ABCA12: variants seen among roughly 807,000 people sequenced by gnomAD.
ABCA12 encodes ATP binding cassette subfamily A member 12, also known as glucosylceramide transporter ABCA12.
ABCA12 carries 156 observed loss-of-function variants against 293.5 expected under a neutral mutation model. The observed-to-expected ratio is 0.53, with a 90% CI of 0.47 to 0.61. The LOEUF (loss-of-function observed/expected upper bound fraction) is 0.61, where lower values mean the gene tolerates loss of function less well. Ranked by LOEUF, ABCA12 falls within the 20% of genes least tolerant of loss-of-function variation. ABCA12 has a pLI of 0.00. For missense variants in ABCA12, 2,797 were observed against 3,090.2 expected (o/e 0.91, Z 2.25); for synonymous variants, 1,063 against 1,108.0 (o/e 0.96, Z 0.81).
chr2:214,987,516 G>T, intron 27 of ABCA12, 131 bp downstream of exon 27: 1 of 1,208,348 alleles, frequency 8.3e-7, no homozygotes, highest in Non-Finnish European at 1.1e-6. Flanking sequence ...AGACGCATGT[G>T]TAGACATTTT....
Position 214,958,446 on chromosome 2 carries a change from C to T in ABCA12, c.5948G>A (p.Ser1983Asn). The change falls in exon 41 of 53, where the codon AGT becomes AAT. Residue 1983 changes from serine (S) to asparagine (N), a missense_variant. Physicochemically the swap from Ser to Asn is conservative, Grantham distance 46 (BLOSUM62 1). Transcript: ENST00000272895. The stretch of plus-strand genomic sequence containing the variant: ...CAGTGCCACTAAAATATCGATTAAA[C>T]TGCTGATTCTAGAGTGAGCAATAGG... ...VQDQEQATIS[S>N]LIDILVALSI... is the part of the protein sequence containing the mutation. The T allele has an allele frequency of 6.2e-7, 1 of 1,613,780 alleles. No individual in the cohort carries two copies. The highest frequency in any genetic ancestry group is 8.5e-7 in the Non-Finnish European group (1 of 1,179,816).
At chr2:215,095,093 G>C (rs1014487635) in intron 2 of ABCA12, among the ~76,000 whole-genome samples, 2 of 151,796 alleles carry the variant, frequency 1.3e-5, no homozygotes, top group African/African-American at 4.8e-5. Flanking sequence ...GTTTTGTTTT[G>C]TTTTGTTTAT....
At chr2:215,071,458 G>C (rs1008827322) in intron 2 of ABCA12, among the ~76,000 whole-genome samples, 1 of 151,886 alleles carries the variant, frequency 6.6e-6, no homozygotes, top group African/African-American at 2.4e-5. Context: ...GATGGATCTA[G>C]AACTATATGA....
At chr2:215,114,604 A>G (rs1213279496) in intron 1 of ABCA12, among the ~76,000 whole-genome samples, 1 of 152,238 alleles carries the variant, frequency 6.6e-6, no homozygotes, top group Non-Finnish European at 1.5e-5. Flanking sequence ...GCAAATAAGA[A>G]AGCATTACAG....
chr2:214,995,937 T>G (rs559089810), intron 23 of ABCA12, among the ~76,000 whole-genome samples: 1 of 152,272 alleles, frequency 6.6e-6, no homozygotes, highest in Admixed American at 6.5e-5. Context: ...AAATAAATGT[T>G]GAATGAAGTC....
At chr2:215,049,535 A>G in intron 6 of ABCA12, 91 bp downstream of exon 6, 1 of 1,291,416 alleles carries the variant, frequency 7.7e-7, no homozygotes, top group South Asian at 1.2e-5. Flanking sequence ...GTAAACAAAT[A>G]TCCCAGTCAG....
At chr2:214,954,611 T>C (rs766384105) in intron 43 of ABCA12, among the ~76,000 whole-genome samples, 2 of 152,226 alleles carry the variant, frequency 1.3e-5, no homozygotes, top group African/African-American at 2.4e-5. Flanking sequence ...TTCCACTTCA[T>C]GAATTTTCTT....
chr2:215,093,588 G>T (rs1212778186), intron 2 of ABCA12, among the ~76,000 whole-genome samples: 5 of 152,322 alleles, frequency 3.3e-5, no homozygotes, highest in African/African-American at 9.6e-5. Context: ...ATTGTTTCAG[G>T]CTGGACCTCA....
chr2:214,982,170 T>G lies in ABCA12; in HGVS notation c.4579+17A>C. 6.2e-7 allele frequency: 1 copy of G among 1,612,548 alleles called. No homozygotes were observed. Among genetic ancestry groups the G allele is most frequent in the Non-Finnish European group, 8.5e-7 (1 of 1,178,830 alleles). Reference sequence around the variant, plus strand: ...GTATGACTGTTGGGTGGAGAAGTTCTGAGAAACTACTCATACCAGTTTTGT... The same window carrying G: ...GTATGACTGTTGGGTGGAGAAGTTCGGAGAAACTACTCATACCAGTTTTGT... On this transcript the variant is annotated intron_variant, in intron 30 of 52. Transcript: ENST00000272895.
chr2:215,064,306 AACCTC>A, intron 2 of ABCA12, 87 bp from the exon 3 acceptor site: 1 of 259,312 alleles, frequency 3.9e-6, no homozygotes, highest in Non-Finnish European at 5.5e-6. Flanking sequence ...TTGTGAAGTT[AACCTC>A]CTGGATTACC....
In ABCA12 at chr2:214,932,411, G is replaced by C. The variant is rs1698087173; in HGVS notation, c.*223C>G. On this transcript the variant is annotated 3_prime_UTR_variant, in exon 53 of 53. Transcript: ENST00000272895. ...CAGCATATACATTAGCATGCTCACAGTGTTGAGTATACAGGAATTCATTTC... is the reference window on the plus strand; with the variant it reads ...CAGCATATACATTAGCATGCTCACACTGTTGAGTATACAGGAATTCATTTC... 1 of 547,366 alleles carries C rather than the reference G, an allele frequency of 1.8e-6. No homozygotes were observed. The highest frequency in any genetic ancestry group is 3.3e-6 in the Non-Finnish European group (1 of 304,994). The allele number at this position is 547,366 out of a possible 1,614,324, so 33.9% of individuals were successfully genotyped here.
chr2:214,949,213 A>G (rs1261562018), intron 45 of ABCA12, 64 bp from the exon 46 acceptor site: 6 of 1,111,612 alleles, frequency 5.4e-6, no homozygotes, highest in Admixed American at 5.1e-5. Flanking sequence ...TTGCTTTTGT[A>G]TCTCTCCCTC....
At chr2:214,943,425 G>C (rs1249484612) in intron 49 of ABCA12, among the ~76,000 whole-genome samples, 1 of 152,070 alleles carries the variant, frequency 6.6e-6, no homozygotes, top group Non-Finnish European at 1.5e-5. Flanking sequence ...GGGATTACAG[G>C]CATGAGCCAC....
chr2:215,079,457 T>C (rs572016986), intron 2 of ABCA12, among the ~76,000 whole-genome samples: 1 of 152,334 alleles, frequency 6.6e-6, no homozygotes, highest in Admixed American at 6.5e-5. Context: ...ATAATAGAAA[T>C]GAAACGTGGA....
chr2:215,056,223 T>C (rs1269244311), intron 3 of ABCA12, among the ~76,000 whole-genome samples: 1 of 150,670 alleles, frequency 6.6e-6, no homozygotes, highest in Non-Finnish European at 1.5e-5. Flanking sequence ...ACTAAGCAAG[T>C]GTGCTCTTGG....
intron 44 of ABCA12, among the ~76,000 whole-genome samples, chr2:214,953,214 T>C (rs1026585474): frequency 6.6e-6 from 1 of 152,240 alleles, no homozygotes; most frequent in Admixed American, 6.5e-5. Context: ...GGCTGTTTAA[T>C]GTTCTATTAG....
intron 2 of ABCA12, among the ~76,000 whole-genome samples, chr2:215,088,415 G>A (rs934770812): frequency 6.6e-6 from 1 of 152,152 alleles, no homozygotes; most frequent in Admixed American, 6.5e-5. Flanking sequence ...AGTAGAAGAC[G>A]AATTCATTTC....
chr2:214,936,479 T>G (rs1450231202), intron 51 of ABCA12, among the ~76,000 whole-genome samples: 1 of 152,228 alleles, frequency 6.6e-6, no homozygotes, highest in African/African-American at 2.4e-5. Flanking sequence ...TTTTTATCAT[T>G]CCACGTCTGA....
chr2:214,937,658 C>T (rs1698263447), intron 50 of ABCA12, 43 bp from the exon 51 acceptor site: 2 of 1,413,250 alleles, frequency 1.4e-6, no homozygotes, highest in Non-Finnish European at 1.0e-6. Flanking sequence ...TTACATTTTG[C>T]TGAAATAGCT....
Sources: allele counts gnomAD v4.1 joint callset (sites outside exome capture counted in the v4.1 genomes callset), GRCh38; gene constraint gnomAD v4.1.1; transcripts MANE v1.5; gene names NCBI Gene and HGNC (gene_info 2026-07-23, HGNC 2026-07-21).